Variants in ABCA9 observed in about 807,000 individuals in gnomAD.
ABCA9 encodes the protein ATP-binding cassette sub-family A member 9.
Under a neutral mutation model 205.3 loss-of-function variants are expected in ABCA9, and 183 were observed. That is an observed-to-expected ratio of 0.89 (90% CI 0.79 to 1.01). The LOEUF is 1.01. ABCA9 is among the 50% of genes least tolerant of loss of function. The pLI, the probability that ABCA9 is intolerant of heterozygous loss-of-function variation, is 0.00. For synonymous variants in ABCA9, 651 were observed against 683.3 expected, an observed-to-expected ratio of 0.95 and a Z score of 0.74; for missense variants, 1,805 against 1,912.4, an observed-to-expected ratio of 0.94 and a Z score of 1.05.
intron 27 of ABCA9, 44 bp from the exon 28 acceptor site, chr17:68,992,310 G>A (rs1298236149): frequency 8.3e-7 from 1 of 1,211,366 alleles, no homozygotes; most frequent in Non-Finnish European, 1.2e-6. Context: ...CACTATAAAT[G>A]CAATGATTTC....
intron 37 of ABCA9, among the ~76,000 whole-genome samples, chr17:68,982,156 A>T (rs1419583287): frequency 6.6e-6 from 1 of 152,232 alleles, no homozygotes; most frequent in African/African-American, 2.4e-5. Context: ...TTCTGTTTGT[A>T]TGAGTTTGTG....
intron 9 of ABCA9, chr17:69,033,324 G>GAAAAA (rs1567960119): frequency 1.8e-5 from 2 of 111,040 alleles, no homozygotes; most frequent in Non-Finnish European, 1.9e-5. Context: ...AAAAAAAAAG[G>GAAAAA]AAAGAAAGAA....
At chr17:69,032,631 ACT>A (rs2071191717) in intron 9 of ABCA9, 1 of 164,998 alleles carries the variant, frequency 6.1e-6, no homozygotes, top group South Asian at 1.6e-4. Flanking sequence ...ATGGAGTCTC[ACT>A]CTGTCACCCA....
chr17:68,981,503 T>C lies in ABCA9; in HGVS notation c.4720+1059A>G, dbSNP rs1303453985. ...ATGCCAACCAGCCATTGGGGCATAA[T>C]GGTCAGTGTGGTCAATGTGAAAAAC... is the stretch of plus-strand genomic sequence containing the variant. On this transcript the variant is annotated intron_variant, in intron 37 of 38. Coordinates refer to ENST00000340001, the MANE Select transcript of ABCA9 (RefSeq NM_080283.4). 2.0e-5 allele frequency among the ~76,000 whole-genome samples: 3 copies of C among 152,056 alleles called. No homozygotes were observed. The East Asian group carries it at 5.8e-4, about 29-fold the overall frequency.
intron 37 of ABCA9, among the ~76,000 whole-genome samples, chr17:68,977,212 G>T (rs372383119): frequency 6.6e-6 from 1 of 151,982 alleles, no homozygotes. Flanking sequence ...CACAGGAGCC[G>T]CCAGGTGGTC....
At chr17:69,031,324 G>T (rs2071141718) in intron 10 of ABCA9, among the ~76,000 whole-genome samples, 1 of 152,128 alleles carries the variant, frequency 6.6e-6, no homozygotes, top group Non-Finnish European at 1.5e-5. Flanking sequence ...TGAAAAGATT[G>T]CTATGTTTAC....
Position 69,017,876 on chromosome 17 carries a change from A to G in ABCA9, c.2768-87T>C, listed in dbSNP as rs1034608155. ...AAAAATACATTACATCACACAAAGC[A>G]TATCACACAAAAGGACTGTCTAAGG... On this transcript the variant is annotated intron_variant, in intron 20 of 38. Transcript: ENST00000340001. 20 of 1,437,256 alleles carry G rather than the reference A, an allele frequency of 1.4e-5. No homozygotes were observed. In the African/African-American group the frequency reaches 2.7e-4, roughly 19 times the overall value. The allele number at this position is 1,437,256 out of a possible 1,614,324, so 89.0% of individuals were successfully genotyped here. A position where few individuals can be genotyped will look rare whatever the true frequency, so the allele number is the denominator to read the frequency against.
chr17:69,005,010 C>T (rs1001590580), intron 25 of ABCA9, among the ~76,000 whole-genome samples: 4 of 152,206 alleles, frequency 2.6e-5, no homozygotes, highest in Non-Finnish European at 4.4e-5. Context: ...CACTGACCTG[C>T]GCCCACTGTC....
At chr17:69,061,201 T>G (rs2072237528), upstream of ABCA9, 9 of 969,330 alleles carry the variant, frequency 9.3e-6, no homozygotes, top group Non-Finnish European at 9.8e-6. Context: ...AATCTAGCCT[T>G]TCTCAATCGG....
intron 23 of ABCA9, among the ~76,000 whole-genome samples, chr17:69,011,213 T>A (rs1171864220): frequency 6.6e-6 from 1 of 152,162 alleles, no homozygotes; most frequent in East Asian, 1.9e-4. Context: ...AGTGATTAAG[T>A]AACTTTTGAG....
Position 69,028,523 on chromosome 17 carries a change from CTG to C in ABCA9, c.1615+10_1615+11del. On this transcript the variant is annotated intron_variant, in intron 12 of 38. Coordinates refer to ENST00000340001, the MANE Select transcript of ABCA9 (RefSeq NM_080283.4). ...TGTCCAGGTACTTGTCCTTGGATAA[CTG>C]TCTTCTTACCTGATGTTGGAACTGA... The C allele has an allele frequency of 3.9e-6, 6 of 1,542,674 alleles. No homozygotes were observed. The highest frequency in any genetic ancestry group is 5.3e-6 in the Non-Finnish European group (6 of 1,125,942).
At chr17:69,000,221 T>C (rs1227674706) in intron 25 of ABCA9, among the ~76,000 whole-genome samples, 2 of 151,960 alleles carry the variant, frequency 1.3e-5, no homozygotes, top group Non-Finnish European at 2.9e-5. Context: ...TCCTGAATGG[T>C]AATGCCTAGG....
At chr17:69,011,933 T>G in intron 23 of ABCA9, 43 bp downstream of exon 23, 2 of 1,420,726 alleles carry the variant, frequency 1.4e-6, no homozygotes, top group Non-Finnish European at 2.0e-6. Flanking sequence ...TGGGAAGGGT[T>G]CTCTAGATAT....
chr17:69,074,647 A>G, the ABCA9 span, among the ~76,000 whole-genome samples: 1 of 151,908 alleles, frequency 6.6e-6, no homozygotes. Flanking sequence ...CCTTTATCCA[A>G]TCCACCACTG....
chr17:69,069,713 CTTTTG>C, the ABCA9 span, among the ~76,000 whole-genome samples: 2 of 151,806 alleles, frequency 1.3e-5, no homozygotes, highest in Non-Finnish European at 2.9e-5. Context: ...TTGATCCCTT[CTTTTG>C]TTTTATTCTG....
At position 69,027,998 on chromosome 17, in the gene ABCA9, T is replaced by C. The variant is rs184927826; in HGVS notation, c.1616-183A>G. Among the ~76,000 whole-genome samples the C allele has an allele frequency of 5.3e-5, 8 of 152,346 alleles. No individual in the cohort carries two copies. In the East Asian group the frequency reaches 1.2e-3, roughly 22 times the overall value. On this transcript the variant is annotated intron_variant, in intron 12 of 38. Coordinates refer to ENST00000340001, the MANE Select transcript of ABCA9 (RefSeq NM_080283.4). ...ACAATAACATCTGATCTAGCTGGAA[T>C]GCTACTTAGTAACTTAATAACCATA...
chr17:69,054,816 T>C (rs1177234002), intron 1 of ABCA9, among the ~76,000 whole-genome samples: 1 of 151,828 alleles, frequency 6.6e-6, no homozygotes, highest in Non-Finnish European at 1.5e-5. Flanking sequence ...GGAGGAGGAA[T>C]TGGGGTTATT....
chr17:69,069,839 T>C, the ABCA9 span, among the ~76,000 whole-genome samples: 2 of 152,268 alleles, frequency 1.3e-5, no homozygotes, highest in South Asian at 2.1e-4. Flanking sequence ...CTATGTCCAT[T>C]TTAAAACTTT....
chr17:68,975,437 T>C lies in ABCA9; in HGVS notation c.*478A>G, dbSNP rs1007740952. On this transcript the variant is annotated 3_prime_UTR_variant, in exon 39 of 39. Coordinates refer to ENST00000340001, the MANE Select transcript of ABCA9 (RefSeq NM_080283.4). ...ATGACAGAAAAGGAAAACCAGTGAA[T>C]TAAGAACAAGTATTTAAAAAGGGAA... is the stretch of plus-strand genomic sequence containing the variant. 7.2e-5 allele frequency: 11 copies of C among 152,882 alleles called. No homozygotes were observed. Among genetic ancestry groups the C allele is most frequent in the African/African-American group, 2.4e-4 (10 of 41,430 alleles). The allele number at this position is 152,882 out of a possible 1,614,324, so 9.5% of individuals were successfully genotyped here.
Sources: allele counts gnomAD v4.1 joint callset (sites outside exome capture counted in the v4.1 genomes callset), GRCh38; gene constraint gnomAD v4.1.1; transcripts MANE v1.5; gene names NCBI Gene and HGNC (gene_info 2026-07-23, HGNC 2026-07-21).